RNF123: variants seen among roughly 807,000 people sequenced by gnomAD.
RNF123 encodes the protein ring finger protein 123.
Under a neutral mutation model 168.5 loss-of-function variants are expected in RNF123, and 86 were observed. That is an observed-to-expected ratio of 0.51 (90% CI 0.43 to 0.61). The LOEUF (loss-of-function observed/expected upper bound fraction) is 0.61. Among genes scored for constraint, RNF123 ranks in the 20% least tolerant of loss-of-function variants. RNF123 has a pLI of 0.00. For synonymous variants in RNF123, 666 were observed against 689.1 expected, an observed-to-expected ratio of 0.97 and a Z score of 0.52; for missense variants, 1,419 against 1,729.7, an observed-to-expected ratio of 0.82 and a Z score of 3.19.
chr3:49,697,364 A>G lies in RNF123; in HGVS notation c.249A>G (p.Gly83=). The change falls in exon 5 of 39, where the codon GGA becomes GGG. Residue 83 remains glycine, a splice_region_variant and synonymous_variant. Coordinates refer to ENST00000327697, the MANE Select transcript of RNF123 (RefSeq NM_022064.5). ...QVDNEEEESQ[G]QVEGRLGPST... is the part of the protein sequence containing the mutation. ...TGACCCCACCTCTCCTCTTTTCAGGACAGGTTGAAGGGCGGCTTGGCCCAT... is the reference window on the plus strand; with the variant it reads ...TGACCCCACCTCTCCTCTTTTCAGGGCAGGTTGAAGGGCGGCTTGGCCCAT... 6.2e-7 allele frequency: 1 copy of G among 1,607,598 alleles called. No individual in the cohort carries two copies.
chr3:49,698,652 T>C, intron 8 of RNF123, 103 bp from the exon 9 acceptor site: 1 of 1,537,330 alleles, frequency 6.5e-7, no homozygotes, highest in South Asian at 1.1e-5. Flanking sequence ...TCCTTTGTCC[T>C]TGTGGCTAGT....
In RNF123 at chr3:49,720,899, G is replaced by A. The variant is rs774658735; in HGVS notation, c.3738+5G>A. 1 of 1,614,074 alleles carries A rather than the reference G, an allele frequency of 6.2e-7. No homozygotes were observed. The highest frequency in any genetic ancestry group is 8.5e-7 in the Non-Finnish European group (1 of 1,179,986). On this transcript the variant is annotated splice_donor_5th_base_variant and intron_variant, in intron 37 of 38. Transcript: ENST00000327697. ...CAGGCAGCAGCTGCCTCCCTGGTGA[G>A]TGGGAACACGGTGCACAGGTCCATG... is the stretch of plus-strand genomic sequence containing the variant.
chr3:49,716,483 T>TG lies in RNF123; in HGVS notation c.3500+7dup. 6.2e-7 allele frequency: 1 copy of TG among 1,612,810 alleles called. No homozygotes were observed. Among genetic ancestry groups the TG allele is most frequent in the Non-Finnish European group, 8.5e-7 (1 of 1,179,242 alleles). On this transcript the variant is annotated splice_region_variant and intron_variant, in intron 35 of 38. Transcript: ENST00000327697. ...GTGCGTGGCCCAGCCTCAGAGTGAG[T>TG]GTTGGGGACCGTGGGCCCCTGTGGG... is the stretch of plus-strand genomic sequence containing the variant.
At position 49,703,463 on chromosome 3, in the gene RNF123, A is replaced by C; in HGVS notation, c.1787A>C (p.Lys596Thr). ...YIPPQVFYNG[K>T]VDYFDLQRLG... The stretch of plus-strand genomic sequence containing the variant: ...CCGCCCCAGGTCTTCTATAATGGCA[A>C]GGTGGACTACTTTGACCTGCAGCGC... Residue 596 changes from lysine to threonine, a missense_variant, in exon 21 of 39, where the codon AAG (lysine) becomes ACG (threonine). By Grantham distance (78) the Lys-to-Thr change is moderately conservative. Transcript: ENST00000327697. 6.2e-7 allele frequency: 1 copy of C among 1,614,066 alleles called. No homozygotes were observed. The highest frequency in any genetic ancestry group is 8.5e-7 in the Non-Finnish European group (1 of 1,179,986).
At position 49,721,460 on chromosome 3, in the gene RNF123, T is replaced by C; in HGVS notation, c.*155T>C. 9.6e-7 allele frequency: 1 copy of C among 1,036,732 alleles called. No individual in the cohort carries two copies. Among genetic ancestry groups the C allele is most frequent in the Non-Finnish European group, 1.5e-6 (1 of 660,262 alleles). The allele number at this position is 1,036,732 out of a possible 1,614,324, so 64.2% of individuals were successfully genotyped here. ...ATCCTCATTGGTGGGAGCCCAGCCA[T>C]GGCCCTAATTGTGCCTGAGCTTGAC... is the stretch of plus-strand genomic sequence containing the variant. On this transcript the variant is annotated 3_prime_UTR_variant, in exon 39 of 39. Coordinates refer to ENST00000327697, the MANE Select transcript of RNF123 (RefSeq NM_022064.5).
intron 35 of RNF123, chr3:49,718,430 G>A: frequency 1.9e-6 from 3 of 1,612,930 alleles, no homozygotes; most frequent in Non-Finnish European, 2.5e-6. Context: ...AGTCCCGCAT[G>A]CTGCTCCTGT....
chr3:49,691,465 C>T lies in RNF123; in HGVS notation c.123C>T (p.Arg41=). ...QEKLLNDYLN[R]IFSSSEHAPP... is the part of the protein sequence containing the mutation. ...AGCTGCTGAATGACTACCTGAACCG[C>T]ATCTTTTCCTCTTCTGAACATGCAC... Residue 41 remains arginine (R), a synonymous_variant, in exon 3 of 39, where the codon CGC becomes CGT. Coordinates refer to ENST00000327697, the MANE Select transcript of RNF123 (RefSeq NM_022064.5). The T allele has an allele frequency of 6.2e-7, 1 of 1,614,230 alleles. No homozygotes were observed. Among genetic ancestry groups the T allele is most frequent in the Non-Finnish European group, 8.5e-7 (1 of 1,180,034 alleles).
intron 35 of RNF123, 126 bp from the exon 36 acceptor site, chr3:49,720,385 G>T (rs1657447816): frequency 1.0e-6 from 1 of 953,238 alleles, no homozygotes; most frequent in Non-Finnish European, 1.5e-6. Flanking sequence ...TGGGAAGCAG[G>T]GAGACGGAAA....
At chr3:49,700,850 T>A (rs1416584692) in intron 15 of RNF123, 141 bp downstream of exon 15, 3 of 877,446 alleles carry the variant, frequency 3.4e-6, no homozygotes, top group Non-Finnish European at 3.7e-6. Flanking sequence ...GCATTTTCTC[T>A]ACAGAGCAAG....
rs555630872 is a variant in RNF123 at position 49,693,299 on chromosome 3, C to T, written c.167+1790C>T. ...TCCTGAGCTCGTGATCCGCCCACCT[C>T]GGCCTCCCAAAGTGCTGGGATTACA... On this transcript the variant is annotated intron_variant, in intron 3 of 38. Transcript: ENST00000327697. Among the ~76,000 whole-genome samples the T allele has an allele frequency of 1.3e-3, 185 of 147,920 alleles. 1 individual carries two copies. Among genetic ancestry groups the T allele is most frequent in the Middle Eastern group, 0.011 (3 of 276 alleles).
At chr3:49,695,804 C>T (rs1385063908) in intron 3 of RNF123, among the ~76,000 whole-genome samples, 2 of 152,174 alleles carry the variant, frequency 1.3e-5, no homozygotes, top group Non-Finnish European at 2.9e-5. Context: ...TGCTGGTTAC[C>T]ACCACCTCAC....
intron 35 of RNF123, chr3:49,719,282 C>A (rs376622853): frequency 6.2e-7 from 1 of 1,613,162 alleles, no homozygotes; most frequent in East Asian, 2.2e-5. Context: ...TCCGCAGTAG[C>A]GGCAGGTAAC....
In RNF123 at chr3:49,691,125, C is replaced by A; in HGVS notation, c.-36-5C>A. 6.3e-7 allele frequency: 1 copy of A among 1,593,328 alleles called. No homozygotes were observed. ...CTGAGTAGACAGGCTCTGTGTCTGG[C>A]TCAGCCCCCAGGACCACTGGCTGCC... On this transcript the variant is annotated splice_region_variant and splice_polypyrimidine_tract_variant and intron_variant, in intron 1 of 38. Transcript: ENST00000327697.
intron 32 of RNF123, 26 bp from the exon 33 acceptor site, chr3:49,715,796 T>G: frequency 6.2e-7 from 1 of 1,613,910 alleles, no homozygotes; most frequent in Middle Eastern, 1.6e-4. Context: ...TGCTGACCAC[T>G]GCATGCCCAC....
rs555444380 is a variant in RNF123, at chr3:49,704,720, A to G, written c.1923A>G (p.Leu641=). ...TCCAGTCAACCGCCATGGATGACCTAGATGAGGATGAGGAGCCAGCCCCAG... is the reference window on the plus strand; with the variant it reads ...TCCAGTCAACCGCCATGGATGACCTGGATGAGGATGAGGAGCCAGCCCCAG... ...LELQSTAMDD[L]DEDEEPAPAM... Residue 641 remains leucine (L), a synonymous_variant, in exon 22 of 39, where the codon CTA becomes CTG. Transcript: ENST00000327697. The G allele has an allele frequency of 1.9e-6, 3 of 1,596,226 alleles. No individual in the cohort carries two copies. The Admixed American group carries it at 5.3e-5, about 28-fold the overall frequency.
intron 31 of RNF123, 155 bp from the exon 32 acceptor site, chr3:49,715,420 A>G: frequency 2.3e-6 from 2 of 859,042 alleles, no homozygotes; most frequent in Non-Finnish European, 3.5e-6. Flanking sequence ...ACTCCAAGGC[A>G]GCTGTCCTCT....
chr3:49,693,347 C>CTTTTTT lies in RNF123; in HGVS notation c.167+1859_167+1864dup, dbSNP rs35938648. Among the ~76,000 whole-genome samples the CTTTTTT allele has an allele frequency of 1.2e-4, 4 of 34,126 alleles. 1 individual carries two copies. The highest frequency in any genetic ancestry group is 2.0e-4 in the Non-Finnish European group (4 of 19,978). 22.4% of individuals were successfully genotyped at this position (34,126 alleles called of 152,430 possible). A position where few individuals can be genotyped will look rare whatever the true frequency, so the allele number is the denominator to read the frequency against. ...ACAGGCGTGAGCCAGTGTGCCTGGC[C>CTTTTTT]TTTTTTTTTTTTTTTTTTTTTTTTT... On this transcript the variant is annotated intron_variant, in intron 3 of 38. Transcript: ENST00000327697.
Position 49,698,996 on chromosome 3 carries a change from G to A in RNF123, c.655G>A (p.Gly219Ser). 6.2e-7 allele frequency: 1 copy of A among 1,614,002 alleles called. No individual in the cohort carries two copies. Among genetic ancestry groups the A allele is most frequent in the Non-Finnish European group, 8.5e-7 (1 of 1,180,018 alleles). The change falls in exon 10 of 39, where the codon GGC becomes AGC. Residue 219 changes from glycine (G) to serine (S), a missense_variant. Transcript: ENST00000327697. ...TCTCCCCAGGAACGGTGTATCACTG[G>A]GCACTGCCTTTGAGAACCTGTCCAG... ...LSFCLNGVSL[G>S]TAFENLSRGL...
intron 3 of RNF123, among the ~76,000 whole-genome samples, chr3:49,693,222 G>A (rs2054203194): frequency 6.6e-6 from 1 of 151,540 alleles, no homozygotes; most frequent in Non-Finnish European, 1.5e-5. Context: ...CTAATTTTTT[G>A]CATTTTTAGT....
Sources: gnomAD v4.1 joint callset for allele counts (sites outside exome capture counted in the v4.1 genomes callset) on GRCh38, gnomAD v4.1.1 for gene constraint, MANE v1.5 for transcripts, NCBI Gene and HGNC (gene_info 2026-07-23, HGNC 2026-07-21) for gene names.